CDK6: variants seen among roughly 807,000 people sequenced by gnomAD.
CDK6 encodes cyclin dependent kinase 6.
Under a neutral mutation model 37.1 loss-of-function variants are expected in CDK6, and 6 were observed. The observed-to-expected ratio is 0.16, with a 90% confidence interval of 0.09 to 0.32. The LOEUF is 0.32. CDK6 is among the 10% of genes least tolerant of loss of function. The probability of loss-of-function intolerance (pLI) is 1.00; values close to 1 mark genes in which losing one functional copy is unlikely to be tolerated. For missense variants in CDK6, 224 were observed against 418.9 expected, an observed-to-expected ratio of 0.53 and a Z score of 4.06; for synonymous variants, 160 against 161.3, an observed-to-expected ratio of 0.99 and a Z score of 0.06.
At chr7:92,829,097 T>C (rs913432523) in intron 2 of CDK6, among the ~76,000 whole-genome samples, 14 of 152,294 alleles carry the variant, frequency 9.2e-5, no homozygotes, top group African/African-American at 2.6e-4. Flanking sequence ...GAGTCAAATA[T>C]GTCATGTTTC....
chr7:92,821,023 G>C (rs746763461), intron 2 of CDK6, among the ~76,000 whole-genome samples: 1 of 152,154 alleles, frequency 6.6e-6, no homozygotes, highest in Non-Finnish European at 1.5e-5. Flanking sequence ...TTAAGAGGTG[G>C]TGTATGTCTC....
chr7:92,689,264 T>C (rs1281419772), intron 4 of CDK6, among the ~76,000 whole-genome samples: 3 of 152,142 alleles, frequency 2.0e-5, no homozygotes, highest in East Asian at 3.8e-4. Context: ...CACCCTCCAA[T>C]AGGCCCCAGT....
intron 3 of CDK6, among the ~76,000 whole-genome samples, chr7:92,733,575 T>C (rs1429204674): frequency 6.6e-6 from 1 of 152,216 alleles, no homozygotes; most frequent in Non-Finnish European, 1.5e-5. Flanking sequence ...AATGTAGATC[T>C]ACAGCTTAAT....
intron 3 of CDK6, among the ~76,000 whole-genome samples, chr7:92,770,383 T>C (rs1799682302): frequency 6.6e-6 from 1 of 150,864 alleles, no homozygotes. Flanking sequence ...GAATCACCTA[T>C]GATTTTATTT....
Position 92,610,780 on chromosome 7 carries a change from A to T in CDK6, c.*4360T>A, listed in dbSNP as rs1004760296. On this transcript the variant is annotated 3_prime_UTR_variant, in exon 8 of 8. Coordinates refer to ENST00000424848, the MANE Select transcript of CDK6 (RefSeq NM_001145306.2). The stretch of plus-strand genomic sequence containing the variant: ...AATATCTTCCTAATTATATACCCAA[A>T]TATACTTAATGGACATGATAAATGG... 11 of 228,056 alleles carry T rather than the reference A, an allele frequency of 4.8e-5. No individual in the cohort carries two copies. Among genetic ancestry groups the T allele is most frequent in the African/African-American group, 1.8e-4 (8 of 45,222 alleles). The allele number at this position is 228,056 out of a possible 1,614,324, so 14.1% of individuals were successfully genotyped here.
chr7:92,730,539 A>AC (rs1271622148), intron 3 of CDK6, among the ~76,000 whole-genome samples: 7 of 151,996 alleles, frequency 4.6e-5, no homozygotes, highest in Non-Finnish European at 7.4e-5. Flanking sequence ...CTCCCCATGT[A>AC]CCCCTCCCCT....
At chr7:92,659,269 T>A (rs912291221) in intron 5 of CDK6, among the ~76,000 whole-genome samples, 1 of 152,222 alleles carries the variant, frequency 6.6e-6, no homozygotes, top group African/African-American at 2.4e-5. Flanking sequence ...GAAAAAAGTC[T>A]GAACTGAGAT....
chr7:92,827,218 T>C (rs545422599), intron 2 of CDK6, among the ~76,000 whole-genome samples: 41 of 152,288 alleles, frequency 2.7e-4, no homozygotes, highest in African/African-American at 9.4e-4. Flanking sequence ...CTAAGACTTC[T>C]TCCAATTAAA....
chr7:92,640,880 C>T (rs995870418), intron 5 of CDK6, among the ~76,000 whole-genome samples: 3 of 152,168 alleles, frequency 2.0e-5, no homozygotes, highest in Non-Finnish European at 1.5e-5. Flanking sequence ...CACCAATGTG[C>T]ATCACAGCTT....
At chr7:92,653,277 C>A (rs1383003703) in intron 5 of CDK6, among the ~76,000 whole-genome samples, 1 of 152,114 alleles carries the variant, frequency 6.6e-6, no homozygotes, top group Non-Finnish European at 1.5e-5. Flanking sequence ...TTCCTTTGTT[C>A]CGGTCTCAGT....
At chr7:92,740,672 T>C (rs1417586499) in intron 3 of CDK6, among the ~76,000 whole-genome samples, 1 of 152,246 alleles carries the variant, frequency 6.6e-6, no homozygotes, top group Non-Finnish European at 1.5e-5. Context: ...CAGCAACCCC[T>C]TGAATAAATT....
At chr7:92,688,583 AC>A (rs1797521658) in intron 4 of CDK6, among the ~76,000 whole-genome samples, 1 of 70,594 alleles carries the variant, frequency 1.4e-5, no homozygotes, top group African/African-American at 7.5e-5. Context: ...CATATACATC[AC>A]ACACACACAC....
In CDK6 at chr7:92,625,688, T is replaced by G. The variant is rs1003324815; in HGVS notation, c.648-2602A>C. On this transcript the variant is annotated intron_variant, in intron 5 of 7. Coordinates refer to ENST00000424848, the MANE Select transcript of CDK6 (RefSeq NM_001145306.2). The stretch of plus-strand genomic sequence containing the variant: ...TTTAAAAAAACAACTCAAAAATGCA[T>G]AGATATCATTTGTAATCTCAGTAAC... 1.4e-4 allele frequency among the ~76,000 whole-genome samples: 21 copies of G among 152,086 alleles called. 1 individual carries two copies. The highest frequency in any genetic ancestry group is 1.4e-3 in the Admixed American group (21 of 15,238).
intron 4 of CDK6, chr7:92,710,930 G>T: frequency 1.1e-6 from 1 of 900,056 alleles, no homozygotes; most frequent in Non-Finnish European, 1.3e-6. Context: ...TTTATTAGAG[G>T]ACAGGAAGAG....
At chr7:92,636,575 A>T (rs984694441) in intron 5 of CDK6, among the ~76,000 whole-genome samples, 1 of 152,232 alleles carries the variant, frequency 6.6e-6, no homozygotes, top group African/African-American at 2.4e-5. Context: ...TATGTCACTC[A>T]TAAGAAATGA....
At chr7:92,732,784 T>A (rs756617311) in intron 3 of CDK6, among the ~76,000 whole-genome samples, 5 of 152,210 alleles carry the variant, frequency 3.3e-5, no homozygotes, top group Non-Finnish European at 7.3e-5. Flanking sequence ...CACAGTAGAA[T>A]GCTCTCTGCT....
intron 2 of CDK6, among the ~76,000 whole-genome samples, chr7:92,801,309 T>A (rs1025807471): frequency 4.6e-5 from 7 of 152,194 alleles, no homozygotes; most frequent in Non-Finnish European, 8.8e-5. Context: ...ATTAAGCTTT[T>A]AGAGAATGGA....
At chr7:92,647,146 C>A (rs1172595356) in intron 5 of CDK6, among the ~76,000 whole-genome samples, 2 of 152,176 alleles carry the variant, frequency 1.3e-5, no homozygotes. Context: ...TACTTAGTAG[C>A]CACTTTATGC....
chr7:92,726,743 T>A lies in CDK6; in HGVS notation c.370-950A>T, dbSNP rs552564025. ...ACTGTTTTAGAATATTAACAGAGTC[T>A]TGATTTAAACTAGGGTCTGGAAAAC... On this transcript the variant is annotated intron_variant, in intron 3 of 7. Coordinates refer to ENST00000424848, the MANE Select transcript of CDK6 (RefSeq NM_001145306.2). 1.5e-3 allele frequency among the ~76,000 whole-genome samples: 222 copies of A among 152,352 alleles called. 1 individual carries two copies. The highest frequency in any genetic ancestry group is 4.9e-3 in the African/African-American group (202 of 41,576).
Sources: allele counts gnomAD v4.1 joint callset (sites outside exome capture counted in the v4.1 genomes callset), GRCh38; gene constraint gnomAD v4.1.1; transcripts MANE v1.5; gene names NCBI Gene and HGNC (gene_info 2026-07-23, HGNC 2026-07-21).